The following DIP2C variants were observed in gnomAD, a reference collection of about 807,000 sequenced individuals.
The protein encoded by DIP2C is disco-interacting protein 2 homolog C.
Under a neutral mutation model 192.4 loss-of-function variants are expected in DIP2C, and 33 were observed. The ratio of observed to expected loss-of-function variants is 0.17; its 90% CI spans 0.13 to 0.23. The LOEUF (loss-of-function observed/expected upper bound fraction) is 0.23. Ranked by LOEUF, DIP2C falls within the 10% of genes least tolerant of loss-of-function variation. The probability of loss-of-function intolerance (pLI) is 1.00; values close to 1 mark genes in which losing one functional copy is unlikely to be tolerated. For synonymous variants in DIP2C, 979 were observed against 864.1 expected, an observed-to-expected ratio of 1.13 and a Z score of -2.33; for missense variants, 1,537 against 2,110.1, an observed-to-expected ratio of 0.73 and a Z score of 5.32.
chr10:316,172 G>C (rs1195562045), intron 31 of DIP2C, among the ~76,000 whole-genome samples: 4 of 152,076 alleles, frequency 2.6e-5, no homozygotes, highest in African/African-American at 9.7e-5. Flanking sequence ...CTCCTCTCAT[G>C]AACATGAGTC....
At chr10:518,326 G>C (rs916320300) in intron 1 of DIP2C, among the ~76,000 whole-genome samples, 1 of 152,256 alleles carries the variant, frequency 6.6e-6, no homozygotes, top group Non-Finnish European at 1.5e-5. Context: ...CAGGAAAGCA[G>C]CTCCGATTGA....
intron 1 of DIP2C, among the ~76,000 whole-genome samples, chr10:655,449 C>T (rs536054689): frequency 1.3e-5 from 2 of 151,654 alleles, no homozygotes; most frequent in South Asian, 4.2e-4. Context: ...ATAGTCACTG[C>T]CATCTCTGTT....
intron 29 of DIP2C, 143 bp from the exon 30 acceptor site, chr10:329,744 A>G: frequency 1.9e-6 from 2 of 1,058,926 alleles, no homozygotes; most frequent in Non-Finnish European, 1.3e-6. Context: ...GGGCACAGTA[A>G]AGCCAACGCT....
Position 337,767 on chromosome 10 carries a change from TTC to T in DIP2C, c.3584+3430_3584+3431del, listed in dbSNP as rs377182875. ...AGGACTAGGCTGATGTGTGTGTGTG[TTC>T]TGTGAAGGCCTAGGCAGCTGTGTGT... On this transcript the variant is annotated intron_variant, in intron 29 of 36. Transcript: ENST00000280886. Among the ~76,000 whole-genome samples, 88 of 138,064 alleles carry T rather than the reference TTC, an allele frequency of 6.4e-4. 1 individual carries two copies. The highest frequency in any genetic ancestry group is 2.0e-3 in the African/African-American group (73 of 36,430). 90.6% of individuals were successfully genotyped at this position (138,064 alleles called of 152,430 possible).
At chr10:442,575 A>C (rs1026020576) in intron 3 of DIP2C, among the ~76,000 whole-genome samples, 4 of 152,206 alleles carry the variant, frequency 2.6e-5, no homozygotes, top group African/African-American at 9.6e-5. Flanking sequence ...GAAAATCTGC[A>C]AGACCAGTGT....
intron 29 of DIP2C, chr10:340,585 TTCA>T (rs1958095204): frequency 2.8e-6 from 1 of 356,460 alleles, no homozygotes; most frequent in Non-Finnish European, 5.6e-6. Context: ...TATTTTCTTC[TTCA>T]TATTTTCTAT....
At chr10:550,830 C>T (rs7074740) in intron 1 of DIP2C, among the ~76,000 whole-genome samples, 24,180 of 152,246 alleles carry the variant, frequency 0.16, 3,064 homozygotes, top group African/African-American at 0.35. Context: ...AGGGATGCTC[C>T]ATTCCCTCTG....
intron 1 of DIP2C, among the ~76,000 whole-genome samples, chr10:494,230 G>A (rs1420603202): frequency 6.6e-6 from 1 of 152,194 alleles, no homozygotes; most frequent in Non-Finnish European, 1.5e-5. Context: ...AGAAAGAAGT[G>A]GGCTAACCTC....
At chr10:581,113 AATGCAATC>A (rs1196959470) in intron 1 of DIP2C, among the ~76,000 whole-genome samples, 6 of 152,224 alleles carry the variant, frequency 3.9e-5, no homozygotes, top group African/African-American at 1.4e-4. Context: ...TGTCTGGCAG[AATGCAATC>A]CAACACCAAA....
chr10:302,864 G>A (rs1257501576), intron 32 of DIP2C, among the ~76,000 whole-genome samples: 1 of 152,190 alleles, frequency 6.6e-6, no homozygotes, highest in African/African-American at 2.4e-5. Context: ...TGGGTGAGTG[G>A]TAAGTTCACA....
At chr10:575,131 C>A (rs1340710928) in intron 1 of DIP2C, among the ~76,000 whole-genome samples, 1 of 152,168 alleles carries the variant, frequency 6.6e-6, no homozygotes, top group Non-Finnish European at 1.5e-5. Context: ...ACGTTCTCAA[C>A]TTTACCTTCG....
intron 1 of DIP2C, among the ~76,000 whole-genome samples, chr10:627,715 T>C (rs1854283138): frequency 6.6e-6 from 1 of 152,270 alleles, no homozygotes; most frequent in African/African-American, 2.4e-5. Flanking sequence ...TTGAGGGCCG[T>C]GCACGCAAGA....
intron 1 of DIP2C, among the ~76,000 whole-genome samples, chr10:659,992 A>T (rs1856654558): frequency 6.6e-6 from 1 of 152,254 alleles, no homozygotes; most frequent in Non-Finnish European, 1.5e-5. Flanking sequence ...CAGAGAGAGG[A>T]AAAAATAATC....
In DIP2C at chr10:274,799, T is replaced by C. The variant is rs1954428008; in HGVS notation, c.*2526A>G. 1 of 152,244 alleles carries C rather than the reference T, an allele frequency of 6.6e-6. No individual in the cohort carries two copies. Among genetic ancestry groups the C allele is most frequent in the South Asian group, 2.1e-4 (1 of 4,832 alleles). 9.4% of individuals were successfully genotyped at this position (152,244 alleles called of 1,614,324 possible). On this transcript the variant is annotated 3_prime_UTR_variant, in exon 37 of 37. Coordinates refer to ENST00000280886, the MANE Select transcript of DIP2C (RefSeq NM_014974.3). ...TATATGTTCACTGTGTACCCTCTTT[T>C]TGTGCAAGTTGATTACACGGTTTTG...
At chr10:323,441 G>A (rs572634393) in intron 31 of DIP2C, among the ~76,000 whole-genome samples, 1 of 57,260 alleles carries the variant, frequency 1.7e-5, no homozygotes, top group South Asian at 6.6e-4. Context: ...AGTCGGGGGT[G>A]CGGGGCTCCA....
At chr10:530,955 G>A (rs1248203925) in intron 1 of DIP2C, among the ~76,000 whole-genome samples, 1 of 152,114 alleles carries the variant, frequency 6.6e-6, no homozygotes, top group African/African-American at 2.4e-5. Context: ...GATGCCGGCC[G>A]ACCAGACACC....
chr10:413,274 CTG>C (rs1285491421), intron 8 of DIP2C, among the ~76,000 whole-genome samples: 2 of 152,320 alleles, frequency 1.3e-5, no homozygotes, highest in East Asian at 1.9e-4. Flanking sequence ...AGCTTACAGA[CTG>C]TATTAATTGT....
chr10:414,240 G>A (rs1965386300), intron 7 of DIP2C, 130 bp from the exon 8 acceptor site: 1 of 1,157,710 alleles, frequency 8.6e-7, no homozygotes, highest in Non-Finnish European at 1.2e-6. Flanking sequence ...AGAAAAGCAT[G>A]CTTTTCTAGA....
At chr10:542,345 C>G (rs1848043528) in intron 1 of DIP2C, among the ~76,000 whole-genome samples, 1 of 152,214 alleles carries the variant, frequency 6.6e-6, no homozygotes, top group African/African-American at 2.4e-5. Context: ...GTCTTCTCCT[C>G]CTCTCCTGGC....
Sources: allele counts gnomAD v4.1 joint callset (sites outside exome capture counted in the v4.1 genomes callset), GRCh38; gene constraint gnomAD v4.1.1; transcripts MANE v1.5; gene names NCBI Gene and HGNC (gene_info 2026-07-23, HGNC 2026-07-21).